The following CSMD1 variants were observed in gnomAD, a reference collection of about 807,000 sequenced individuals.
CSMD1 encodes CUB and sushi domain-containing protein 1.
In CSMD1, 213 loss-of-function variants were observed where a neutral mutation model predicts 417.5. The ratio of observed to expected loss-of-function variants is 0.51; its 90% confidence interval spans 0.46 to 0.57. The LOEUF is 0.57. Ranked by LOEUF, CSMD1 falls within the 20% of genes least tolerant of loss-of-function variation. The probability of loss-of-function intolerance (pLI) is 0.00; values close to 1 mark genes in which losing one functional copy is unlikely to be tolerated. For missense variants in CSMD1, 6,923 were observed against 4,529.7 expected, an observed-to-expected ratio of 1.53 and a Z score of -15.17; for synonymous variants, 2,862 against 1,736.8, an observed-to-expected ratio of 1.65 and a Z score of -16.11.
At chr8:3,417,865 G>T (rs940923670) in intron 12 of CSMD1, among the ~76,000 whole-genome samples, 1 of 152,198 alleles carries the variant, frequency 6.6e-6, no homozygotes. Context: ...TGTCCACGCG[G>T]TATGGACGTG....
At chr8:3,247,014 G>C (rs17079690) in intron 26 of CSMD1, among the ~76,000 whole-genome samples, 11,320 of 152,252 alleles carry the variant, frequency 0.074, 569 homozygotes, top group Admixed American at 0.13. Flanking sequence ...GTGGATGCAA[G>C]TGAACCATGT....
chr8:4,918,065 C>A (rs1168985840), intron 1 of CSMD1, among the ~76,000 whole-genome samples: 7 of 150,044 alleles, frequency 4.7e-5, no homozygotes, highest in African/African-American at 1.7e-4. Context: ...AGTCTTATTT[C>A]TCTGATTATG....
At chr8:3,289,289 G>A (rs1197550296) in intron 25 of CSMD1, among the ~76,000 whole-genome samples, 13 of 147,104 alleles carry the variant, frequency 8.8e-5, no homozygotes, top group East Asian at 7.8e-4. Flanking sequence ...ATAAACATAC[G>A]TGTGCATGTG....
chr8:3,106,622 C>G lies in CSMD1; in HGVS notation c.6855G>C (p.Gln2285His). 6.2e-7 allele frequency: 1 copy of G among 1,612,914 alleles called. No individual in the cohort carries two copies. Residue 2285 changes from glutamine to histidine, a missense_variant, in exon 46 of 70, where the codon CAG (glutamine) becomes CAC (histidine). Transcript: ENST00000635120. ...DFEIGDFVKY[Q>H]CHPGYTLVGT... ...CCACCAAGGTGTACCCGGGGTGGCACTGGTACTTCACAAAATCTCCTAGAA... is the reference window on the plus strand; with the variant it reads ...CCACCAAGGTGTACCCGGGGTGGCAGTGGTACTTCACAAAATCTCCTAGAA...
chr8:3,917,033 T>C (rs1216779604), intron 5 of CSMD1, among the ~76,000 whole-genome samples: 1 of 152,210 alleles, frequency 6.6e-6, no homozygotes, highest in Non-Finnish European at 1.5e-5. Context: ...AAATTGATTT[T>C]ATTTTCTTCC....
chr8:3,143,332 T>G (rs1400358059), intron 40 of CSMD1, among the ~76,000 whole-genome samples: 1 of 152,176 alleles, frequency 6.6e-6, no homozygotes, highest in Non-Finnish European at 1.5e-5. Flanking sequence ...ATTATTGATG[T>G]TTGTGAGAAA....
chr8:4,624,068 C>G (rs983590390), intron 2 of CSMD1, among the ~76,000 whole-genome samples: 1 of 152,102 alleles, frequency 6.6e-6, no homozygotes, highest in Admixed American at 6.6e-5. Context: ...ATCTCTAGCT[C>G]TTGCGTAAAG....
intron 21 of CSMD1, among the ~76,000 whole-genome samples, chr8:3,356,915 G>A (rs971809032): frequency 6.6e-6 from 1 of 152,108 alleles, no homozygotes; most frequent in Non-Finnish European, 1.5e-5. Context: ...ACCAGGCTCT[G>A]TTACACTGGG....
intron 2 of CSMD1, among the ~76,000 whole-genome samples, chr8:4,573,197 C>T (rs1294579184): frequency 6.6e-6 from 1 of 152,158 alleles, no homozygotes; most frequent in Non-Finnish European, 1.5e-5. Context: ...GGAGAAGAGG[C>T]ATTCTGGTTT....
chr8:2,953,049 C>T (rs1168108169), intron 65 of CSMD1, among the ~76,000 whole-genome samples: 1 of 151,988 alleles, frequency 6.6e-6, no homozygotes, highest in East Asian at 1.9e-4. Context: ...AATGTTTGCA[C>T]CTACAAAAGG....
At position 4,265,804 on chromosome 8, in the gene CSMD1, C is replaced by G. The variant is rs1421342603; in HGVS notation, c.415+154149G>C. Among the ~76,000 whole-genome samples the G allele has an allele frequency of 1.9e-5, 2 of 104,944 alleles. 1 individual carries two copies. Among genetic ancestry groups the G allele is most frequent in the Non-Finnish European group, 5.1e-5 (2 of 39,036 alleles). 68.8% of individuals were successfully genotyped at this position (104,944 alleles called of 152,430 possible). On this transcript the variant is annotated intron_variant, in intron 3 of 69. Transcript: ENST00000635120. ...CTAATGTGATGTTGACTTTTATAAACTCTCACCATTTACCTATCAACTTGG... is the reference window on the plus strand; with the variant it reads ...CTAATGTGATGTTGACTTTTATAAAGTCTCACCATTTACCTATCAACTTGG...
At chr8:4,469,842 C>G (rs1449096562) in intron 2 of CSMD1, among the ~76,000 whole-genome samples, 1 of 151,880 alleles carries the variant, frequency 6.6e-6, no homozygotes, top group Non-Finnish European at 1.5e-5. Flanking sequence ...GACTCGCACA[C>G]CTACGTGATC....
chr8:4,415,509 T>C (rs77152979), intron 3 of CSMD1, among the ~76,000 whole-genome samples: 2,262 of 152,274 alleles, frequency 0.015, 25 homozygotes, highest in Middle Eastern at 0.027. Flanking sequence ...GACCTGCTCT[T>C]TCCCTTGCTC....
At chr8:4,695,460 T>C (rs1490898994) in intron 1 of CSMD1, among the ~76,000 whole-genome samples, 1 of 152,236 alleles carries the variant, frequency 6.6e-6, no homozygotes, top group Non-Finnish European at 1.5e-5. Flanking sequence ...TTATGTGGAC[T>C]CAGTTGTTGC....
At chr8:4,139,749 C>A (rs144641524) in intron 3 of CSMD1, among the ~76,000 whole-genome samples, 1 of 151,118 alleles carries the variant, frequency 6.6e-6, no homozygotes, top group Non-Finnish European at 1.5e-5. Context: ...TACAAAGAAC[C>A]CAGCAGGGCA....
chr8:4,200,365 T>G (rs943604904), intron 3 of CSMD1, among the ~76,000 whole-genome samples: 1 of 152,160 alleles, frequency 6.6e-6, no homozygotes, highest in African/African-American at 2.4e-5. Context: ...GCATGATTTT[T>G]TAAAAGAAAT....
At chr8:3,600,043 C>T (rs1291912181) in intron 8 of CSMD1, among the ~76,000 whole-genome samples, 1 of 152,188 alleles carries the variant, frequency 6.6e-6, no homozygotes, top group Non-Finnish European at 1.5e-5. Flanking sequence ...CTCAGCTCAT[C>T]ACTAAGGGTA....
intron 3 of CSMD1, among the ~76,000 whole-genome samples, chr8:4,235,380 T>C (rs938190423): frequency 1.7e-4 from 26 of 152,070 alleles, no homozygotes; most frequent in African/African-American, 5.6e-4. Context: ...TGTTTGTTTG[T>C]TTTTTGTTTT....
intron 3 of CSMD1, among the ~76,000 whole-genome samples, chr8:4,277,533 G>C (rs896197861): frequency 2.6e-5 from 4 of 151,788 alleles, no homozygotes; most frequent in Admixed American, 6.6e-5. Flanking sequence ...TATATCTAGA[G>C]AGTTTTCTTG....
Sources: allele counts gnomAD v4.1 joint callset (sites outside exome capture counted in the v4.1 genomes callset), GRCh38; gene constraint gnomAD v4.1.1; transcripts MANE v1.5; gene names NCBI Gene and HGNC (gene_info 2026-07-23, HGNC 2026-07-21).